The following HERPUD2 variants were observed in gnomAD, a reference collection of about 807,000 sequenced individuals.
HERPUD2 encodes the protein HERPUD family member 2.
A neutral mutation model predicts 49.9 loss-of-function variants in HERPUD2; 13 were observed. That is an observed-to-expected ratio of 0.26 (90% CI 0.17 to 0.41). The LOEUF is 0.41. Among genes scored for constraint, HERPUD2 ranks in the 10% least tolerant of loss-of-function variants. HERPUD2 has a pLI of 1.00. For missense variants in HERPUD2, 449 were observed against 492.2 expected (o/e 0.91, Z 0.83); for synonymous variants, 172 against 171.4 (o/e 1.00, Z -0.03).
intron 5 of HERPUD2, among the ~76,000 whole-genome samples, chr7:35,653,975 C>T (rs1785222531): frequency 6.6e-6 from 1 of 152,104 alleles, no homozygotes; most frequent in Admixed American, 6.6e-5. Context: ...GCCTGGTCAA[C>T]AGAGTGAGAC....
chr7:35,633,627 C>T lies in HERPUD2; in HGVS notation c.*63G>A. The T allele has an allele frequency of 1.4e-6, 2 of 1,450,774 alleles. No individual in the cohort carries two copies. Among genetic ancestry groups the T allele is most frequent in the Non-Finnish European group, 1.9e-6 (2 of 1,069,326 alleles). The allele number at this position is 1,450,774 out of a possible 1,614,324, so 89.9% of individuals were successfully genotyped here. On this transcript the variant is annotated 3_prime_UTR_variant, in exon 9 of 9. Transcript: ENST00000311350. ...AAAGTTATAAATTTTTTTGAAATTG[C>T]ACTGTTATTTAAACCACTTTCCTGA...
intron 3 of HERPUD2, among the ~76,000 whole-genome samples, chr7:35,672,001 A>G (rs1785653869): frequency 6.6e-6 from 1 of 152,062 alleles, no homozygotes; most frequent in Admixed American, 6.6e-5. Context: ...ATTCTAAGTG[A>G]TACTATACTG....
intron 2 of HERPUD2, among the ~76,000 whole-genome samples, chr7:35,682,278 CACA>C (rs1785914768): frequency 2.5e-5 from 1 of 40,400 alleles, no homozygotes; most frequent in African/African-American, 9.5e-5. Flanking sequence ...TAGATATATA[CACA>C]TACACACGTG....
At chr7:35,648,778 A>G (rs577035610) in intron 5 of HERPUD2, among the ~76,000 whole-genome samples, 1 of 152,340 alleles carries the variant, frequency 6.6e-6, no homozygotes, top group South Asian at 2.1e-4. Context: ...TCAATCTACA[A>G]TCCAAGAAAG....
intron 5 of HERPUD2, among the ~76,000 whole-genome samples, chr7:35,639,670 G>T (rs958392015): frequency 6.6e-6 from 1 of 152,132 alleles, no homozygotes. Flanking sequence ...GGTCTATCCA[G>T]AGTGAGACAA....
chr7:35,690,585 G>A (rs531949057), intron 2 of HERPUD2, among the ~76,000 whole-genome samples: 5 of 152,322 alleles, frequency 3.3e-5, no homozygotes, highest in Admixed American at 3.3e-4. Flanking sequence ...CGAGGTGGGT[G>A]GATTACCTGA....
intron 2 of HERPUD2, among the ~76,000 whole-genome samples, chr7:35,689,616 A>G (rs1786137646): frequency 6.6e-6 from 1 of 152,250 alleles, no homozygotes; most frequent in Admixed American, 6.5e-5. Context: ...GAACCTATAT[A>G]TACAATTGGT....
chr7:35,690,330 C>T (rs1379342794), intron 2 of HERPUD2, among the ~76,000 whole-genome samples: 2 of 152,248 alleles, frequency 1.3e-5, no homozygotes, highest in Admixed American at 6.5e-5. Context: ...CTCAACTCCA[C>T]ATCCGAGGTT....
At chr7:35,692,003 AAGTC>A (rs1483908213) in intron 2 of HERPUD2, among the ~76,000 whole-genome samples, 8 of 152,224 alleles carry the variant, frequency 5.3e-5, no homozygotes, top group East Asian at 1.9e-4. Context: ...CTAGAAATGA[AAGTC>A]AGACATTACA....
At chr7:35,655,571 C>T (rs1263511671) in intron 5 of HERPUD2, among the ~76,000 whole-genome samples, 1 of 152,162 alleles carries the variant, frequency 6.6e-6, no homozygotes, top group Non-Finnish European at 1.5e-5. Flanking sequence ...ATAACAAACC[C>T]ACAGCTAACA....
Position 35,670,228 on chromosome 7 carries a change from G to A in HERPUD2, c.326C>T (p.Ser109Phe). ...TNRESHEALA[S>F]SSNSSSDHSG... Reference sequence around the variant, plus strand: ...AAAACAACTCACAGAATTGCTGCTGGATGCCAATGCTTCATGACTTTCTCT... The same window carrying A: ...AAAACAACTCACAGAATTGCTGCTGAATGCCAATGCTTCATGACTTTCTCT... Residue 109 changes from serine (S) to phenylalanine (F), a missense_variant, in exon 4 of 9, where the codon TCC (serine) becomes TTC (phenylalanine). Coordinates refer to ENST00000311350, the MANE Select transcript of HERPUD2 (RefSeq NM_022373.5). 1 of 1,549,418 alleles carries A rather than the reference G, an allele frequency of 6.5e-7. No individual in the cohort carries two copies. The highest frequency in any genetic ancestry group is 1.2e-5 in the South Asian group (1 of 83,866).
chr7:35,675,541 C>G (rs757082659), intron 2 of HERPUD2, among the ~76,000 whole-genome samples: 3 of 152,092 alleles, frequency 2.0e-5, no homozygotes, highest in Non-Finnish European at 1.5e-5. Context: ...ACTTTTACGT[C>G]ATATCATCAC....
chr7:35,641,928 C>T (rs974451327), intron 5 of HERPUD2, among the ~76,000 whole-genome samples: 4 of 152,192 alleles, frequency 2.6e-5, no homozygotes, highest in Admixed American at 6.6e-5. Flanking sequence ...GACAAAGATG[C>T]CAAAGCAATT....
Sources: allele counts gnomAD v4.1 joint callset (sites outside exome capture counted in the v4.1 genomes callset), GRCh38; gene constraint gnomAD v4.1.1; transcripts MANE v1.5; gene names NCBI Gene and HGNC (gene_info 2026-07-23, HGNC 2026-07-21).